CDH4: variants seen among roughly 807,000 people sequenced by gnomAD.
CDH4 encodes the protein cadherin-4.
Under a neutral mutation model 86.0 loss-of-function variants are expected in CDH4, and 33 were observed. That is an observed-to-expected ratio of 0.38 (90% CI 0.29 to 0.51). The LOEUF (loss-of-function observed/expected upper bound fraction) is 0.51. Ranked by LOEUF, CDH4 falls within the 20% of genes least tolerant of loss-of-function variation. The probability of loss-of-function intolerance (pLI) is 0.86; values close to 1 mark genes in which losing one functional copy is unlikely to be tolerated. For synonymous variants in CDH4, 555 were observed against 549.4 expected (o/e 1.01, Z -0.14); for missense variants, 1,114 against 1,307.4 (o/e 0.85, Z 2.28).
chr20:61,592,953 C>A (rs8121592), intron 2 of CDH4, among the ~76,000 whole-genome samples: 5,538 of 152,168 alleles, frequency 0.036, 150 homozygotes, highest in Middle Eastern at 0.095. Flanking sequence ...TTGAAATGAT[C>A]CCGGGTTACC....
At chr20:61,322,134 G>T (rs1441256054) in intron 2 of CDH4, among the ~76,000 whole-genome samples, 1 of 152,048 alleles carries the variant, frequency 6.6e-6, no homozygotes, top group Non-Finnish European at 1.5e-5. Flanking sequence ...CTTGCTTCGG[G>T]GATGGTTATT....
At chr20:61,416,422 C>A (rs2085147581) in intron 2 of CDH4, among the ~76,000 whole-genome samples, 1 of 152,224 alleles carries the variant, frequency 6.6e-6, no homozygotes, top group Non-Finnish European at 1.5e-5. Context: ...AATTTACATT[C>A]CCACAGCAGT....
At chr20:61,580,639 TA>T (rs5842357) in intron 2 of CDH4, among the ~76,000 whole-genome samples, 101,548 of 151,886 alleles carry the variant, frequency 0.67, 35,041 homozygotes, top group East Asian at 0.8. Flanking sequence ...GTTGACGCTC[TA>T]GGGGGGGAAA....
chr20:61,326,478 G>T (rs1031104932), intron 2 of CDH4, among the ~76,000 whole-genome samples: 1 of 152,242 alleles, frequency 6.6e-6, no homozygotes, highest in Non-Finnish European at 1.5e-5. Context: ...AATCAATGGT[G>T]CAAGCATCAC....
intron 2 of CDH4, among the ~76,000 whole-genome samples, chr20:61,442,573 C>A (rs1451674100): frequency 6.6e-6 from 1 of 152,206 alleles, no homozygotes; most frequent in Non-Finnish European, 1.5e-5. Flanking sequence ...CATTAAACTC[C>A]ACTTAGGCTG....
At chr20:61,254,318 T>A (rs6101281) in intron 1 of CDH4, among the ~76,000 whole-genome samples, 18,170 of 152,180 alleles carry the variant, frequency 0.12, 1,216 homozygotes, top group African/African-American at 0.17. Context: ...TAGAGAATCT[T>A]CTTCCTTTCT....
rs1021123379 is a variant in CDH4, at chr20:61,821,644, A to G, written c.577-23024A>G. Among the ~76,000 whole-genome samples, 6 of 152,292 alleles carry G rather than the reference A, an allele frequency of 3.9e-5. No homozygotes were observed. The South Asian group carries it at 1.2e-3, about 32-fold the overall frequency. ...TTAAGGAGATGTCACCTCAGCCAAA[A>G]CTGCTTCCCCGGGTTTTGGGCTTAC... On this transcript the variant is annotated intron_variant, in intron 4 of 15. Transcript: ENST00000614565.
intron 2 of CDH4, among the ~76,000 whole-genome samples, chr20:61,352,353 A>G (rs1418816892): frequency 6.6e-6 from 1 of 152,214 alleles, no homozygotes; most frequent in Admixed American, 6.5e-5. Flanking sequence ...ATTAAAATTT[A>G]TTTAGTCATT....
chr20:61,812,071 G>A (rs939769788), intron 4 of CDH4, among the ~76,000 whole-genome samples: 3 of 152,038 alleles, frequency 2.0e-5, no homozygotes, highest in Non-Finnish European at 2.9e-5. Flanking sequence ...CCCCCGCTGC[G>A]GGGGACACAG....
At chr20:61,893,208 T>G (rs1984912069) in intron 7 of CDH4, among the ~76,000 whole-genome samples, 1 of 109,544 alleles carries the variant, frequency 9.1e-6, no homozygotes, top group Non-Finnish European at 1.8e-5. Flanking sequence ...GGTGGCTGAA[T>G]AGAGGGATAG....
chr20:61,728,294 T>C (rs1423852638), intron 2 of CDH4, among the ~76,000 whole-genome samples: 2 of 152,180 alleles, frequency 1.3e-5, no homozygotes, highest in Admixed American at 1.3e-4. Flanking sequence ...AAGCTCTTCA[T>C]AGCAAAAGCA....
chr20:61,812,601 A>G (rs1005511883), intron 4 of CDH4, among the ~76,000 whole-genome samples: 3 of 152,006 alleles, frequency 2.0e-5, no homozygotes, highest in Non-Finnish European at 4.4e-5. Context: ...TTAAAATTTC[A>G]TGAACACATT....
intron 2 of CDH4, among the ~76,000 whole-genome samples, chr20:61,726,589 A>G (rs2088113870): frequency 6.6e-6 from 1 of 151,934 alleles, no homozygotes; most frequent in Admixed American, 6.6e-5. Context: ...TTATGCCATC[A>G]CCACCATTGC....
At chr20:61,432,833 ATTTTTTT>A (rs36067606) in intron 2 of CDH4, among the ~76,000 whole-genome samples, 4 of 101,710 alleles carry the variant, frequency 3.9e-5, no homozygotes, top group Admixed American at 1.2e-4. Flanking sequence ...TAAATCCATG[ATTTTTTT>A]TTTTTTTTTT....
intron 2 of CDH4, among the ~76,000 whole-genome samples, chr20:61,285,835 G>A (rs1426853416): frequency 6.6e-6 from 1 of 152,244 alleles, no homozygotes; most frequent in African/African-American, 2.4e-5. Flanking sequence ...AAGCCCACGT[G>A]GTTCTGGTGA....
chr20:61,635,975 A>G (rs946037701), intron 2 of CDH4, among the ~76,000 whole-genome samples: 1 of 152,214 alleles, frequency 6.6e-6, no homozygotes, highest in African/African-American at 2.4e-5. Flanking sequence ...TGAGCCCCAG[A>G]AAGTGTGGCC....
intron 4 of CDH4, among the ~76,000 whole-genome samples, chr20:61,830,741 G>A (rs1369830478): frequency 1.3e-5 from 2 of 152,234 alleles, no homozygotes; most frequent in South Asian, 2.1e-4. Flanking sequence ...CGGCAGGAGC[G>A]GGCGGCGCTG....
chr20:61,739,129 G>C (rs1040242902), intron 2 of CDH4: 4 of 152,296 alleles, frequency 2.6e-5, no homozygotes, highest in Non-Finnish European at 5.9e-5. Flanking sequence ...AAATACATAA[G>C]AAAACTAAAC....
intron 2 of CDH4, among the ~76,000 whole-genome samples, chr20:61,383,584 A>G (rs1400478314): frequency 1.9e-5 from 1 of 51,790 alleles, no homozygotes; most frequent in Non-Finnish European, 2.8e-5. Flanking sequence ...ATATGAATAT[A>G]TATGAATATA....
Sources: gnomAD v4.1 joint callset for allele counts (sites outside exome capture counted in the v4.1 genomes callset) on GRCh38, gnomAD v4.1.1 for gene constraint, MANE v1.5 for transcripts, NCBI Gene and HGNC (gene_info 2026-07-23, HGNC 2026-07-21) for gene names.